THRB: variants seen among roughly 807,000 people sequenced by gnomAD.
THRB encodes the protein nuclear receptor subfamily 1 group A member 2.
In THRB, 12 loss-of-function variants were observed where a neutral mutation model predicts 47.8. That is an observed-to-expected ratio of 0.25 (90% confidence interval 0.16 to 0.41). The LOEUF (loss-of-function observed/expected upper bound fraction) is 0.41, where lower values mean the gene tolerates loss of function less well. Ranked by LOEUF, THRB falls within the 10% of genes least tolerant of loss-of-function variation. The pLI, the probability that THRB is intolerant of heterozygous loss-of-function variation, is 1.00. For synonymous variants in THRB, 218 were observed against 212.2 expected (o/e 1.03, Z -0.24); for missense variants, 348 against 589.2 (o/e 0.59, Z 4.24).
chr3:24,146,514 C>T (rs2036125280), intron 7 of THRB, among the ~76,000 whole-genome samples, 161 bp downstream of exon 7: 1 of 152,230 alleles, frequency 6.6e-6, no homozygotes, highest in African/African-American at 2.4e-5. Flanking sequence ...CCTTTCAGGG[C>T]AAGCCTGGAT....
rs527580775 is a variant in THRB at position 24,457,028 on chromosome 3, A to G, written c.-261+37624T>C. Among the ~76,000 whole-genome samples, 15 of 152,288 alleles carry G rather than the reference A, an allele frequency of 9.8e-5. No homozygotes were observed. In the South Asian group the frequency reaches 3.1e-3, roughly 32 times the overall value. ...TGTGTTCCTAATTAAGCTTTATTGG[A>G]CTACACAATATTTAGAAGGGAAGAA... On this transcript the variant is annotated intron_variant, in intron 1 of 10. Coordinates refer to ENST00000646209, the MANE Select transcript of THRB (RefSeq NM_001354712.2).
At chr3:24,392,458 C>A (rs1486202438) in intron 1 of THRB, among the ~76,000 whole-genome samples, 1 of 152,080 alleles carries the variant, frequency 6.6e-6, no homozygotes, top group Non-Finnish European at 1.5e-5. Context: ...GCTATTCTAT[C>A]AAACACTAGG....
intron 5 of THRB, among the ~76,000 whole-genome samples, chr3:24,187,079 T>C (rs765535649): frequency 5.3e-5 from 8 of 151,498 alleles, no homozygotes; most frequent in Non-Finnish European, 1.0e-4. Flanking sequence ...ATTTTAAAAA[T>C]CTGGTCCATT....
intron 1 of THRB, among the ~76,000 whole-genome samples, chr3:24,337,960 G>C (rs889963073): frequency 6.6e-6 from 1 of 152,190 alleles, no homozygotes. Flanking sequence ...AACAAGATGA[G>C]AAAGGCAGCC....
intron 3 of THRB, among the ~76,000 whole-genome samples, chr3:24,280,097 C>T (rs1303237848): frequency 3.9e-5 from 6 of 152,114 alleles, no homozygotes; most frequent in African/African-American, 9.7e-5. Flanking sequence ...GCTATAGAAC[C>T]GGGGGAGGAG....
intron 5 of THRB, among the ~76,000 whole-genome samples, chr3:24,166,278 C>T (rs1231975729): frequency 2.6e-5 from 4 of 152,130 alleles, no homozygotes; most frequent in Non-Finnish European, 4.4e-5. Flanking sequence ...ATGCCAATGC[C>T]CCTATATGAG....
At position 24,303,680 on chromosome 3, in the gene THRB, C is replaced by T. The variant is rs75819766; in HGVS notation, c.-188-6309G>A. On this transcript the variant is annotated intron_variant, in intron 2 of 10. Coordinates refer to ENST00000646209, the MANE Select transcript of THRB (RefSeq NM_001354712.2). ...AAGAGATAATTGATACATTCTCTTA[C>T]GTCTAATTTTACTACAAGGAGCCTG... Among the ~76,000 whole-genome samples the T allele has an allele frequency of 1.7e-3, 266 of 152,296 alleles. 2 individuals carry two copies. In the East Asian group the frequency reaches 0.037, roughly 21 times the overall value.
intron 1 of THRB, among the ~76,000 whole-genome samples, chr3:24,464,082 TA>T: frequency 6.6e-6 from 1 of 152,036 alleles, no homozygotes; most frequent in South Asian, 2.1e-4. Context: ...CCATCTCTAC[TA>T]AAAATACAAA....
At chr3:24,426,651 A>G (rs2069796884) in intron 1 of THRB, among the ~76,000 whole-genome samples, 1 of 151,948 alleles carries the variant, frequency 6.6e-6, no homozygotes, top group African/African-American at 2.4e-5. Context: ...TTTTAGATTA[A>G]TTGTCTATAG....
At chr3:24,269,401 G>GCACA (rs1352594962) in intron 3 of THRB, among the ~76,000 whole-genome samples, 27 of 45,682 alleles carry the variant, frequency 5.9e-4, no homozygotes, top group Non-Finnish European at 1.2e-3. Flanking sequence ...GCGCGCGCGC[G>GCACA]CGCACACACA....
intron 8 of THRB, among the ~76,000 whole-genome samples, chr3:24,137,796 C>T (rs557642739): frequency 6.6e-5 from 10 of 152,104 alleles, no homozygotes; most frequent in South Asian, 4.2e-4. Flanking sequence ...AGAAGATATG[C>T]GGGGAGTCAA....
intron 3 of THRB, among the ~76,000 whole-genome samples, chr3:24,274,397 G>T (rs1272714537): frequency 6.6e-6 from 1 of 152,110 alleles, no homozygotes; most frequent in Non-Finnish European, 1.5e-5. Context: ...GTGCTATTTT[G>T]AAGAGCCTAT....
intron 3 of THRB, among the ~76,000 whole-genome samples, chr3:24,271,640 C>A (rs938301320): frequency 4.6e-5 from 7 of 152,094 alleles, no homozygotes; most frequent in Non-Finnish European, 8.8e-5. Flanking sequence ...CTATTCTTAC[C>A]AGAATTAGAA....
chr3:24,228,110 G>A (rs826219), intron 4 of THRB, among the ~76,000 whole-genome samples: 17,854 of 152,164 alleles, frequency 0.12, 1,413 homozygotes, highest in East Asian at 0.28. Context: ...TAGAGTGGGA[G>A]ATGGCTTCCT....
At chr3:24,256,198 A>T (rs2051261515) in intron 3 of THRB, among the ~76,000 whole-genome samples, 1 of 152,182 alleles carries the variant, frequency 6.6e-6, no homozygotes, top group Non-Finnish European at 1.5e-5. Context: ...TACTGCTGAG[A>T]GGTCAAGGGA....
At position 24,133,219 on chromosome 3, in the gene THRB, T is replaced by C. The variant is rs2034136772; in HGVS notation, c.885+97A>G. 2.2e-6 allele frequency: 3 copies of C among 1,385,160 alleles called. No individual in the cohort carries two copies. The Admixed American group carries it at 5.1e-5, about 24-fold the overall frequency. 85.8% of individuals were successfully genotyped at this position (1,385,160 alleles called of 1,614,324 possible). A position where few individuals can be genotyped will look rare whatever the true frequency, so the allele number is the denominator to read the frequency against. On this transcript the variant is annotated intron_variant, in intron 9 of 10. Coordinates refer to ENST00000646209, the MANE Select transcript of THRB (RefSeq NM_001354712.2). Reference sequence around the variant, plus strand: ...CGTTGCTTTCATATGATTAAGTCCCTACTAATTAACATTAAATTGTAAATA... The same window carrying C: ...CGTTGCTTTCATATGATTAAGTCCCCACTAATTAACATTAAATTGTAAATA...
chr3:24,277,115 T>A (rs1203039046), intron 3 of THRB, among the ~76,000 whole-genome samples: 3 of 152,162 alleles, frequency 2.0e-5, no homozygotes, highest in Non-Finnish European at 4.4e-5. Context: ...GAGATTCCTG[T>A]GTCAGGGTTG....
chr3:24,306,411 T>A (rs552776357), intron 2 of THRB, among the ~76,000 whole-genome samples: 2 of 152,326 alleles, frequency 1.3e-5, no homozygotes, highest in East Asian at 3.9e-4. Flanking sequence ...CACAGTGAGA[T>A]GCAGTGCACA....
At chr3:24,309,587 TC>T (rs1242985298) in intron 2 of THRB, among the ~76,000 whole-genome samples, 1 of 152,204 alleles carries the variant, frequency 6.6e-6, no homozygotes, top group African/African-American at 2.4e-5. Flanking sequence ...TTTGAACAAA[TC>T]AATACATAAA....
Sources: allele counts gnomAD v4.1 joint callset (sites outside exome capture counted in the v4.1 genomes callset), GRCh38; gene constraint gnomAD v4.1.1; transcripts MANE v1.5; gene names NCBI Gene and HGNC (gene_info 2026-07-23, HGNC 2026-07-21).